The following TGFBR3 variants were observed in gnomAD, a reference collection of about 807,000 sequenced individuals.
TGFBR3 encodes the protein transforming growth factor beta receptor 3.
In TGFBR3, 46 loss-of-function variants were observed where a neutral mutation model predicts 87.9. The observed-to-expected ratio is 0.52, with a 90% CI of 0.41 to 0.67. TGFBR3 has a LOEUF of 0.67. TGFBR3 is among the 30% of genes least tolerant of loss of function. The pLI, the probability that TGFBR3 is intolerant of heterozygous loss-of-function variation, is 0.00. For synonymous variants in TGFBR3, 381 were observed against 391.6 expected (o/e 0.97, Z 0.32); for missense variants, 866 against 1,041.9 (o/e 0.83, Z 2.32).
In TGFBR3 at chr1:91,681,488, T is replaced by A. The variant is rs756134998; in HGVS notation, c.*2251A>T. 2.9e-5 allele frequency: 10 copies of A among 350,298 alleles called. No individual in the cohort carries two copies. The highest frequency in any genetic ancestry group is 2.4e-4 in the South Asian group (10 of 41,872). The allele number at this position is 350,298 out of a possible 1,614,324, so 21.7% of individuals were successfully genotyped here. On this transcript the variant is annotated 3_prime_UTR_variant, in exon 17 of 17. Coordinates refer to ENST00000212355, the MANE Select transcript of TGFBR3 (RefSeq NM_003243.5). ...TTATAAAATCATTGGCAATGTAGCA[T>A]CTCTCTTAAAAATATATATTTAAAT...
At chr1:91,879,535 T>C (rs1321549338) in intron 1 of TGFBR3, among the ~76,000 whole-genome samples, 1 of 152,142 alleles carries the variant, frequency 6.6e-6, no homozygotes, top group Non-Finnish European at 1.5e-5. Flanking sequence ...TCATAAGCAG[T>C]TGTCAGCCTA....
At chr1:91,881,817 A>G (rs375500877) in intron 1 of TGFBR3, among the ~76,000 whole-genome samples, 10 of 152,192 alleles carry the variant, frequency 6.6e-5, no homozygotes, top group Admixed American at 3.9e-4. Flanking sequence ...AGGCGGGTGG[A>G]TCATGAGGTC....
In TGFBR3 at chr1:91,786,161, AG is replaced by A. The variant is rs1447748300; in HGVS notation, c.246+11125del. The A allele has an allele frequency of 1.1e-5, 5 of 455,818 alleles. 1 individual carries two copies. The highest frequency in any genetic ancestry group is 7.8e-5 in the South Asian group (5 of 64,370). 28.2% of individuals were successfully genotyped at this position (455,818 alleles called of 1,614,324 possible). A position where few individuals can be genotyped will look rare whatever the true frequency, so the allele number is the denominator to read the frequency against. On this transcript the variant is annotated intron_variant, in intron 3 of 16. Coordinates refer to ENST00000212355, the MANE Select transcript of TGFBR3 (RefSeq NM_003243.5). Reference sequence around the variant, plus strand: ...AATAGGTGCTAAAGACATAAAAATGAGTAAGAATCTGGCAGAGCACCTACCT... The same window carrying A: ...AATAGGTGCTAAAGACATAAAAATGATAAGAATCTGGCAGAGCACCTACCT...
intron 2 of TGFBR3, among the ~76,000 whole-genome samples, chr1:91,855,448 A>AG: frequency 2.6e-5 from 4 of 152,336 alleles, no homozygotes; most frequent in Admixed American, 2.6e-4. Context: ...TCTTATTACT[A>AG]AAACTCCTGG....
At chr1:91,779,594 T>C (rs907220067) in intron 3 of TGFBR3, among the ~76,000 whole-genome samples, 9 of 152,072 alleles carry the variant, frequency 5.9e-5, no homozygotes, top group Non-Finnish European at 4.4e-5. Flanking sequence ...ACAAATAGGA[T>C]TGGATATGAC....
intron 2 of TGFBR3, among the ~76,000 whole-genome samples, chr1:91,834,468 GA>G (rs1676985254): frequency 6.6e-6 from 1 of 152,192 alleles, no homozygotes; most frequent in African/African-American, 2.4e-5. Flanking sequence ...GCACTAAAGT[GA>G]AAATCTATCT....
chr1:91,823,902 G>T (rs187344044), intron 2 of TGFBR3, among the ~76,000 whole-genome samples: 37 of 152,316 alleles, frequency 2.4e-4, no homozygotes, highest in African/African-American at 8.9e-4. Context: ...GGCCAAGGTG[G>T]GAGGGTTGCT....
At chr1:91,794,521 C>A (rs1257039052) in intron 3 of TGFBR3, among the ~76,000 whole-genome samples, 1 of 150,360 alleles carries the variant, frequency 6.7e-6, no homozygotes, top group Non-Finnish European at 1.5e-5. Flanking sequence ...TTTAAAAAAA[C>A]ATGTAACGTT....
chr1:91,811,517 C>T (rs1248736698), intron 2 of TGFBR3, among the ~76,000 whole-genome samples: 1 of 152,056 alleles, frequency 6.6e-6, no homozygotes, highest in African/African-American at 2.4e-5. Context: ...AGTTTGTGAT[C>T]TTGGCATGAT....
chr1:91,840,463 GCATGATTTTGTAA>G (rs1677228855), intron 2 of TGFBR3, among the ~76,000 whole-genome samples: 1 of 141,388 alleles, frequency 7.1e-6, no homozygotes, highest in Admixed American at 7.0e-5. Flanking sequence ...GTAATATCAT[GCATGATTTTGTAA>G]TATCATGCAT....
intron 4 of TGFBR3, among the ~76,000 whole-genome samples, chr1:91,737,414 C>T (rs1673003722): frequency 6.6e-6 from 1 of 152,146 alleles, no homozygotes; most frequent in Non-Finnish European, 1.5e-5. Context: ...CTACGGTGAC[C>T]TCTACAGCAG....
intron 3 of TGFBR3, among the ~76,000 whole-genome samples, chr1:91,766,694 A>G (rs2100920343): frequency 7.5e-6 from 1 of 133,656 alleles, no homozygotes; most frequent in African/African-American, 2.8e-5. Context: ...AGTTTCTTGT[A>G]ACCAAGTCAC....
intron 2 of TGFBR3, among the ~76,000 whole-genome samples, chr1:91,832,967 C>T (rs892281010): frequency 5.4e-5 from 8 of 149,382 alleles, no homozygotes; most frequent in African/African-American, 1.5e-4. Flanking sequence ...CAGATCACAC[C>T]ACTACACTCC....
At chr1:91,724,748 C>T (rs1023632087) in intron 7 of TGFBR3, among the ~76,000 whole-genome samples, 2 of 152,164 alleles carry the variant, frequency 1.3e-5, no homozygotes, top group African/African-American at 2.4e-5. Context: ...ACGCCAAATG[C>T]AGGTGTACAA....
At chr1:91,780,884 T>TACACACACACACAC (rs56862200) in intron 3 of TGFBR3, among the ~76,000 whole-genome samples, 6 of 132,580 alleles carry the variant, frequency 4.5e-5, no homozygotes, top group Admixed American at 3.1e-4. Flanking sequence ...ACTAGAGAAC[T>TACACACACACACAC]ACACACACAC....
intron 3 of TGFBR3, among the ~76,000 whole-genome samples, chr1:91,762,777 C>T (rs1674018798): frequency 1.3e-5 from 2 of 151,550 alleles, no homozygotes; most frequent in South Asian, 4.1e-4. Context: ...CATACTAGGT[C>T]TTCTGCAGTT....
intron 2 of TGFBR3, among the ~76,000 whole-genome samples, chr1:91,806,720 A>C (rs748397401): frequency 1.8e-4 from 28 of 152,202 alleles, no homozygotes; most frequent in Non-Finnish European, 1.3e-4. Flanking sequence ...GGCTGGGACC[A>C]AGACATCGCA....
intron 5 of TGFBR3, among the ~76,000 whole-genome samples, chr1:91,733,596 G>A (rs1426883830): frequency 1.3e-5 from 2 of 152,208 alleles, no homozygotes; most frequent in East Asian, 3.9e-4. Flanking sequence ...AGCTGCTGTA[G>A]AATTTAACAG....
intron 2 of TGFBR3, among the ~76,000 whole-genome samples, chr1:91,893,912 T>G (rs1176458339): frequency 7.1e-6 from 1 of 141,012 alleles, no homozygotes; most frequent in East Asian, 2.0e-4. Flanking sequence ...AAATTTTTAA[T>G]TAAAACTTCC....
Sources: gnomAD v4.1 joint callset for allele counts (sites outside exome capture counted in the v4.1 genomes callset) on GRCh38, gnomAD v4.1.1 for gene constraint, MANE v1.5 for transcripts, NCBI Gene and HGNC (gene_info 2026-07-23, HGNC 2026-07-21) for gene names.